The following NIPSNAP2 variants were observed in gnomAD, a reference collection of about 807,000 sequenced individuals.
The protein encoded by NIPSNAP2 is nipsnap homolog 2.
Under a neutral mutation model 48.4 loss-of-function variants are expected in NIPSNAP2, and 42 were observed. That is an observed-to-expected ratio of 0.87 (90% CI 0.68 to 1.12). NIPSNAP2 has a LOEUF of 1.12. NIPSNAP2 is among the 50% of genes most tolerant of loss of function. NIPSNAP2 has a pLI of 0.00. For missense variants in NIPSNAP2, 314 were observed against 347.3 expected, an observed-to-expected ratio of 0.90 and a Z score of 0.76; for synonymous variants, 158 against 126.6, an observed-to-expected ratio of 1.25 and a Z score of -1.67.
At chr7:55,992,835 G>A (rs1787478963) in intron 7 of NIPSNAP2, among the ~76,000 whole-genome samples, 1 of 152,178 alleles carries the variant, frequency 6.6e-6, no homozygotes, top group Non-Finnish European at 1.5e-5. Flanking sequence ...TCTCCTGATA[G>A]ACCTTAACCA....
At chr7:55,972,577 C>T (rs1704431922) in intron 1 of NIPSNAP2, among the ~76,000 whole-genome samples, 1 of 151,578 alleles carries the variant, frequency 6.6e-6, no homozygotes, top group African/African-American at 2.4e-5. Context: ...GGATTACAGG[C>T]ATGCGCCACC....
chr7:55,996,004 T>C (rs746156342), intron 8 of NIPSNAP2, among the ~76,000 whole-genome samples: 10 of 151,986 alleles, frequency 6.6e-5, no homozygotes, highest in African/African-American at 1.4e-4. Flanking sequence ...TAACAAGATA[T>C]TGGCTGGGCA....
chr7:55,989,150 G>A (rs1787392777), intron 7 of NIPSNAP2, among the ~76,000 whole-genome samples: 1 of 152,154 alleles, frequency 6.6e-6, no homozygotes, highest in Admixed American at 6.6e-5. Flanking sequence ...CAGTTTACTA[G>A]CCCTGCTTTA....
intron 7 of NIPSNAP2, among the ~76,000 whole-genome samples, chr7:55,989,326 C>T (rs1371584431): frequency 2.0e-5 from 3 of 152,150 alleles, no homozygotes. Context: ...AAGACAGAGA[C>T]ATACAAAGCC....
At position 55,983,844 on chromosome 7, in the gene NIPSNAP2, T is replaced by C; in HGVS notation, c.561T>C (p.Tyr187=). ...TGCCAAGATCCGGACCTAATATATA[T>C]GAACTCAGGTCTTACCAACTCCGAG... The part of the protein sequence containing the change: ...EPVPRSGPNI[Y]ELRSYQLRPG... The change falls in exon 6 of 10, where the codon TAT becomes TAC. Residue 187 remains tyrosine (Y), a synonymous_variant. Transcript: ENST00000322090. The C allele has an allele frequency of 1.9e-6, 3 of 1,614,038 alleles. No individual in the cohort carries two copies. Among genetic ancestry groups the C allele is most frequent in the South Asian group, 1.1e-5 (1 of 91,066 alleles).
intron 5 of NIPSNAP2, among the ~76,000 whole-genome samples, chr7:55,983,193 T>A (rs1193685723): frequency 6.6e-6 from 1 of 152,174 alleles, no homozygotes; most frequent in Non-Finnish European, 1.5e-5. Flanking sequence ...CAGGCACAAT[T>A]AGCTCTGGAT....
chr7:55,969,741 T>A (rs1206476283), intron 1 of NIPSNAP2, among the ~76,000 whole-genome samples: 1 of 152,000 alleles, frequency 6.6e-6, no homozygotes, highest in African/African-American at 2.4e-5. Context: ...CCCAGAACTT[T>A]GGGAGGCCAA....
intron 7 of NIPSNAP2, among the ~76,000 whole-genome samples, chr7:55,992,070 C>A (rs190822592): frequency 1.3e-5 from 2 of 151,966 alleles, no homozygotes; most frequent in African/African-American, 4.8e-5. Flanking sequence ...AGATATTGAT[C>A]ACTTAATTCT....
intron 9 of NIPSNAP2, among the ~76,000 whole-genome samples, 178 bp downstream of exon 9, chr7:55,997,627 A>G (rs549198723): frequency 6.6e-6 from 1 of 152,322 alleles, no homozygotes; most frequent in African/African-American, 2.4e-5. Flanking sequence ...CTTTTTTTCA[A>G]TAAAGTAGAA....
chr7:55,966,319 A>C (rs1205657085), intron 1 of NIPSNAP2, among the ~76,000 whole-genome samples: 1 of 152,150 alleles, frequency 6.6e-6, no homozygotes, highest in Non-Finnish European at 1.5e-5. Context: ...CGTTTTTCAT[A>C]ATAAAGCCTG....
chr7:55,988,597 C>T (rs1034738212), intron 7 of NIPSNAP2, among the ~76,000 whole-genome samples: 5 of 152,096 alleles, frequency 3.3e-5, no homozygotes, highest in East Asian at 1.9e-4. Flanking sequence ...CAGTGGTTCA[C>T]GCCTGTAATC....
intron 4 of NIPSNAP2, 89 bp downstream of exon 4, chr7:55,981,656 C>A: frequency 1.3e-6 from 1 of 779,626 alleles, no homozygotes; most frequent in Non-Finnish European, 2.1e-6. Context: ...TTGTTCTTAT[C>A]ATCAAAGCTT....
At chr7:55,997,275 A>G (rs1028955033) in intron 8 of NIPSNAP2, 91 bp from the exon 9 acceptor site, 6 of 905,002 alleles carry the variant, frequency 6.6e-6, no homozygotes, top group Non-Finnish European at 1.1e-5. Context: ...AGAAAACTAG[A>G]TGTCCAGGTG....
chr7:55,986,997 A>T (rs1049943614), intron 7 of NIPSNAP2, among the ~76,000 whole-genome samples: 2 of 148,924 alleles, frequency 1.3e-5, no homozygotes, highest in Admixed American at 6.7e-5. Flanking sequence ...AAAAAAAAAA[A>T]AAAAAAAAAA....
chr7:55,977,242 T>C (rs1252397423), intron 1 of NIPSNAP2, among the ~76,000 whole-genome samples: 1 of 151,882 alleles, frequency 6.6e-6, no homozygotes, highest in Non-Finnish European at 1.5e-5. Context: ...ATACAAAAAA[T>C]TAGCTGGGTG....
intron 1 of NIPSNAP2, among the ~76,000 whole-genome samples, chr7:55,972,449 T>TG (rs1787032722): frequency 6.6e-6 from 1 of 151,222 alleles, no homozygotes; most frequent in African/African-American, 2.4e-5. Flanking sequence ...TTTTTTTTTT[T>TG]GAGACAGAGT....
At chr7:55,988,873 G>C (rs983362877) in intron 7 of NIPSNAP2, among the ~76,000 whole-genome samples, 1 of 151,712 alleles carries the variant, frequency 6.6e-6, no homozygotes, top group Non-Finnish European at 1.5e-5. Context: ...TCAAAAAAAA[G>C]AAAAAAAAAA....
chr7:55,986,703 AAATTT>A (rs1054275403), intron 7 of NIPSNAP2, among the ~76,000 whole-genome samples: 30 of 148,380 alleles, frequency 2.0e-4, no homozygotes, highest in African/African-American at 7.5e-4. Flanking sequence ...CTAAAAAAAA[AAATTT>A]AATTAAAAAG....
intron 7 of NIPSNAP2, among the ~76,000 whole-genome samples, chr7:55,992,849 G>T (rs1787479542): frequency 6.6e-6 from 1 of 152,098 alleles, no homozygotes; most frequent in Non-Finnish European, 1.5e-5. Context: ...TTAACCATGT[G>T]TCTTCTGGTG....
Sources: gnomAD v4.1 joint callset for allele counts (sites outside exome capture counted in the v4.1 genomes callset) on GRCh38, gnomAD v4.1.1 for gene constraint, MANE v1.5 for transcripts, NCBI Gene and HGNC (gene_info 2026-07-23, HGNC 2026-07-21) for gene names.